MAGI1: variants seen among roughly 807,000 people sequenced by gnomAD.
MAGI1 encodes membrane-associated guanylate kinase, WW and PDZ domain-containing protein 1.
In MAGI1, 58 loss-of-function variants were observed where a neutral mutation model predicts 139.9. The ratio of observed to expected loss-of-function variants is 0.41; its 90% CI spans 0.34 to 0.52. The LOEUF (loss-of-function observed/expected upper bound fraction) is 0.52. MAGI1 is among the 20% of genes least tolerant of loss of function. The probability of loss-of-function intolerance (pLI) is 0.12; values close to 1 mark genes in which losing one functional copy is unlikely to be tolerated. For missense variants in MAGI1, 1,874 were observed against 1,901.6 expected (o/e 0.99, Z 0.27); for synonymous variants, 812 against 737.9 (o/e 1.10, Z -1.63).
intron 2 of MAGI1, among the ~76,000 whole-genome samples, chr3:65,600,847 G>A (rs186134595): frequency 2.0e-5 from 3 of 152,312 alleles, no homozygotes; most frequent in Non-Finnish European, 4.4e-5. Context: ...GACCACTTGC[G>A]AGGCAGTAGA....
intron 2 of MAGI1, among the ~76,000 whole-genome samples, chr3:65,585,980 G>C (rs75809684): frequency 0.047 from 7,079 of 152,236 alleles, 303 homozygotes; most frequent in African/African-American, 0.1. Flanking sequence ...GGCTGAAGCA[G>C]GAGGATCAGC....
chr3:65,378,474 C>T (rs577144996), intron 17 of MAGI1, among the ~76,000 whole-genome samples: 2 of 152,120 alleles, frequency 1.3e-5, no homozygotes, highest in Non-Finnish European at 2.9e-5. Flanking sequence ...AGTATTTTTA[C>T]TCCTTACACC....
At chr3:65,809,366 T>C (rs558627296) in intron 1 of MAGI1, among the ~76,000 whole-genome samples, 95 of 152,228 alleles carry the variant, frequency 6.2e-4, no homozygotes, top group African/African-American at 2.2e-3. Flanking sequence ...GTGAGAAAAC[T>C]TTATGTAAAA....
At chr3:65,767,422 T>A (rs1266209821) in intron 1 of MAGI1, among the ~76,000 whole-genome samples, 3 of 151,822 alleles carry the variant, frequency 2.0e-5, no homozygotes, top group Admixed American at 6.6e-5. Context: ...CTGGCCAACA[T>A]GGTGAAATCT....
At chr3:65,744,408 T>A (rs1363470975) in intron 1 of MAGI1, among the ~76,000 whole-genome samples, 2 of 152,152 alleles carry the variant, frequency 1.3e-5, no homozygotes, top group Admixed American at 6.5e-5. Flanking sequence ...ACATAGCAAA[T>A]GCTCAGTAAA....
chr3:65,694,665 T>C (rs1411164030), intron 1 of MAGI1, among the ~76,000 whole-genome samples: 2 of 152,218 alleles, frequency 1.3e-5, no homozygotes, highest in Non-Finnish European at 2.9e-5. Context: ...AGCTACAATG[T>C]GCTGCAAATA....
At chr3:65,504,619 G>T (rs1171773706) in intron 2 of MAGI1, among the ~76,000 whole-genome samples, 1 of 152,096 alleles carries the variant, frequency 6.6e-6, no homozygotes, top group Non-Finnish European at 1.5e-5. Context: ...TCTTCACCCA[G>T]GGTTGAATAA....
At chr3:65,595,968 C>G (rs984460217) in intron 2 of MAGI1, among the ~76,000 whole-genome samples, 1 of 152,134 alleles carries the variant, frequency 6.6e-6, no homozygotes, top group South Asian at 2.1e-4. Context: ...ATGGAGGAAT[C>G]GAGTCTCTGT....
intron 1 of MAGI1, among the ~76,000 whole-genome samples, chr3:65,698,173 G>T: frequency 8.5e-6 from 1 of 118,298 alleles, no homozygotes; most frequent in Non-Finnish European, 1.8e-5. Context: ...TACAAGGGAT[G>T]TGAAGGACCT....
At chr3:65,735,685 C>T (rs1422537850) in intron 1 of MAGI1, among the ~76,000 whole-genome samples, 1 of 152,126 alleles carries the variant, frequency 6.6e-6, no homozygotes, top group Non-Finnish European at 1.5e-5. Flanking sequence ...TTATCAACAA[C>T]CTACTGAAGA....
chr3:65,813,221 C>T (rs2041390840), intron 1 of MAGI1, among the ~76,000 whole-genome samples: 1 of 151,978 alleles, frequency 6.6e-6, no homozygotes, highest in Admixed American at 6.6e-5. Context: ...CACCAAGCGC[C>T]ACACCCCCAT....
intron 1 of MAGI1, among the ~76,000 whole-genome samples, chr3:65,764,087 A>AG (rs1015850123): frequency 6.6e-6 from 1 of 151,276 alleles, no homozygotes; most frequent in African/African-American, 2.4e-5. Context: ...AAAAAAAGAA[A>AG]AAAAAAAAAA....
At chr3:65,990,173 G>A (rs148170184) in intron 1 of MAGI1, among the ~76,000 whole-genome samples, 42 of 152,258 alleles carry the variant, frequency 2.8e-4, no homozygotes, top group African/African-American at 7.5e-4. Context: ...TGAGGCAGGG[G>A]AGGGAAAGAA....
intron 12 of MAGI1, among the ~76,000 whole-genome samples, chr3:65,422,256 TACTTG>T (rs1217994255): frequency 6.6e-6 from 1 of 152,224 alleles, no homozygotes; most frequent in Non-Finnish European, 1.5e-5. Flanking sequence ...AGATAGTGGC[TACTTG>T]ACAAGATGCT....
At chr3:65,592,901 A>C (rs2082031735) in intron 2 of MAGI1, among the ~76,000 whole-genome samples, 1 of 152,128 alleles carries the variant, frequency 6.6e-6, no homozygotes, top group Admixed American at 6.5e-5. Flanking sequence ...ATCTTATTAG[A>C]AGTAAATTAA....
intron 1 of MAGI1, among the ~76,000 whole-genome samples, chr3:65,937,212 T>C (rs1224780085): frequency 6.6e-6 from 1 of 152,204 alleles, no homozygotes; most frequent in Non-Finnish European, 1.5e-5. Flanking sequence ...TTTGAGATTT[T>C]GAAGAGCTGT....
At chr3:66,016,516 G>C (rs2067646101) in intron 1 of MAGI1, among the ~76,000 whole-genome samples, 1 of 152,196 alleles carries the variant, frequency 6.6e-6, no homozygotes, top group Admixed American at 6.5e-5. Flanking sequence ...TTGCAAAGAA[G>C]CGACGAGGAC....
intron 1 of MAGI1, among the ~76,000 whole-genome samples, chr3:65,706,403 C>G (rs2030296295): frequency 6.6e-6 from 1 of 152,234 alleles, no homozygotes; most frequent in Non-Finnish European, 1.5e-5. Context: ...ACCATAGCCT[C>G]TGCCTTCCCT....
At chr3:65,657,443 A>AC (rs1459026501) in intron 1 of MAGI1, among the ~76,000 whole-genome samples, 3 of 151,606 alleles carry the variant, frequency 2.0e-5, no homozygotes, top group Admixed American at 6.6e-5. Context: ...CAAAAAAAAA[A>AC]AAAAAACACA....
Sources: gnomAD v4.1 joint callset for allele counts (sites outside exome capture counted in the v4.1 genomes callset) on GRCh38, gnomAD v4.1.1 for gene constraint, MANE v1.5 for transcripts, NCBI Gene and HGNC (gene_info 2026-07-23, HGNC 2026-07-21) for gene names.